PRKAR1B: variants seen among roughly 807,000 people sequenced by gnomAD.
The protein encoded by PRKAR1B is cAMP-dependent protein kinase type I-beta regulatory subunit.
Under a neutral mutation model 46.5 loss-of-function variants are expected in PRKAR1B, and 22 were observed. The ratio of observed to expected loss-of-function variants is 0.47; its 90% CI spans 0.34 to 0.68. The LOEUF is 0.68. Among genes scored for constraint, PRKAR1B ranks in the 30% least tolerant of loss-of-function variants. PRKAR1B has a pLI of 0.01. For synonymous variants in PRKAR1B, 259 were observed against 217.7 expected, an observed-to-expected ratio of 1.19 and a Z score of -1.67; for missense variants, 445 against 535.6, an observed-to-expected ratio of 0.83 and a Z score of 1.67.
chr7:720,500 C>G (rs1478686991), intron 1 of PRKAR1B, among the ~76,000 whole-genome samples: 1 of 152,180 alleles, frequency 6.6e-6, no homozygotes, highest in East Asian at 1.9e-4. Flanking sequence ...TCAATTAGAT[C>G]CTGTTGGTTG....
intron 4 of PRKAR1B, among the ~76,000 whole-genome samples, chr7:645,454 C>T (rs1419351306): frequency 2.0e-5 from 3 of 152,086 alleles, no homozygotes. Flanking sequence ...GGTTCAAGAC[C>T]AGCCCAAGCA....
intron 3 of PRKAR1B, among the ~76,000 whole-genome samples, chr7:679,029 G>T (rs1200653790): frequency 2.0e-5 from 3 of 152,138 alleles, no homozygotes; most frequent in Non-Finnish European, 4.4e-5. Flanking sequence ...CAGAGGTTGT[G>T]GTGAGCTGAG....
intron 4 of PRKAR1B, among the ~76,000 whole-genome samples, chr7:619,918 A>G (rs1294006043): frequency 1.3e-5 from 2 of 152,026 alleles, no homozygotes; most frequent in Non-Finnish European, 2.9e-5. Context: ...TGGTGCGATC[A>G]TAGCTCACTG....
intron 4 of PRKAR1B, among the ~76,000 whole-genome samples, chr7:621,167 T>C (rs1337181332): frequency 6.6e-6 from 1 of 152,220 alleles, no homozygotes. Context: ...CTTCCTCTTG[T>C]TTTCTATTTT....
chr7:630,244 G>A lies in PRKAR1B; in HGVS notation c.441-22792C>T, dbSNP rs949400960. 4.6e-5 allele frequency among the ~76,000 whole-genome samples: 7 copies of A among 152,226 alleles called. No individual in the cohort carries two copies. The South Asian group carries it at 1.4e-3, about 31-fold the overall frequency. On this transcript the variant is annotated intron_variant, in intron 4 of 10. Transcript: ENST00000537384. ...TGGGCCAGGCCAGGCGAAGGTGACC[G>A]TGGCTCCTAGCAGGTGAGCAGCTGA...
intron 4 of PRKAR1B, among the ~76,000 whole-genome samples, chr7:627,940 A>G (rs558565430): frequency 9.9e-4 from 151 of 152,282 alleles, no homozygotes; most frequent in African/African-American, 3.3e-3. Flanking sequence ...TAAAGGCACC[A>G]GCAAAACAGG....
intron 2 of PRKAR1B, among the ~76,000 whole-genome samples, chr7:683,717 A>G (rs933345811): frequency 1.3e-5 from 2 of 152,140 alleles, no homozygotes; most frequent in Admixed American, 1.3e-4. Flanking sequence ...CCTGACCAAT[A>G]CCGGCCTCAA....
intron 9 of PRKAR1B, among the ~76,000 whole-genome samples, chr7:576,294 G>C (rs1779829748): frequency 6.6e-6 from 1 of 152,220 alleles, no homozygotes. Context: ...GGGCCCGCCA[G>C]AGCCTCCTTC....
At chr7:659,274 G>C (rs536396917) in intron 4 of PRKAR1B, among the ~76,000 whole-genome samples, 1 of 152,192 alleles carries the variant, frequency 6.6e-6, no homozygotes, top group African/African-American at 2.4e-5. Context: ...GGTACGGTAG[G>C]GGGTGGTCTG....
chr7:564,878 G>A (rs998554204), intron 9 of PRKAR1B, among the ~76,000 whole-genome samples: 2 of 152,160 alleles, frequency 1.3e-5, no homozygotes, highest in East Asian at 1.9e-4. Context: ...CATCTGGGAC[G>A]GGAGCCCAGG....
At chr7:723,381 C>T (rs975060132) in intron 1 of PRKAR1B, among the ~76,000 whole-genome samples, 1 of 152,192 alleles carries the variant, frequency 6.6e-6, no homozygotes, top group Non-Finnish European at 1.5e-5. Flanking sequence ...TTCTGGGCCA[C>T]AGGCTTCCCT....
At chr7:705,769 C>G (rs1009141442) in intron 2 of PRKAR1B, among the ~76,000 whole-genome samples, 7 of 151,794 alleles carry the variant, frequency 4.6e-5, no homozygotes, top group African/African-American at 1.7e-4. Flanking sequence ...GCTCACGTCT[C>G]TAATCCCAAC....
Position 551,476 on chromosome 7 carries a change from G to T in PRKAR1B, c.892-6C>A, listed in dbSNP as rs1266192741. The T allele has an allele frequency of 6.4e-7, 1 of 1,552,378 alleles. No individual in the cohort carries two copies. Among genetic ancestry groups the T allele is most frequent in the Non-Finnish European group, 8.7e-7 (1 of 1,147,816 alleles). ...TGCAGCACGGACGCGGTGCCCTGTG[G>T]GTGGAGGTGGACAGACGTGAGTGCC... On this transcript the variant is annotated splice_polypyrimidine_tract_variant and splice_region_variant and intron_variant, in intron 9 of 10. Transcript: ENST00000537384.
chr7:686,891 C>CT (rs1480902531), intron 2 of PRKAR1B, among the ~76,000 whole-genome samples: 1 of 152,148 alleles, frequency 6.6e-6, no homozygotes, highest in Non-Finnish European at 1.5e-5. Context: ...AAAACTGGAA[C>CT]TTATGGCCTG....
intron 8 of PRKAR1B, among the ~76,000 whole-genome samples, chr7:583,385 ACACT>A (rs1780323295): frequency 9.1e-6 from 1 of 109,942 alleles, no homozygotes; most frequent in Non-Finnish European, 2.0e-5. Flanking sequence ...ACACATGTGC[ACACT>A]CACACCCCCC....
rs187191487 is a variant in PRKAR1B at position 592,754 on chromosome 7, G to A, written c.708+3392C>T. Among the ~76,000 whole-genome samples the A allele has an allele frequency of 8.7e-3, 1,327 of 152,322 alleles. 70 individuals are homozygous for A. The highest frequency in any genetic ancestry group is 0.081 in the Admixed American group (1,234 of 15,300). On this transcript the variant is annotated intron_variant, in intron 7 of 10. Transcript: ENST00000537384. ...AAGAAAGAAAAATCAGGCCGGATAC[G>A]GTGGCTCACACCTCACACCTATAGA...
chr7:582,736 T>G (rs1780263240), intron 8 of PRKAR1B, among the ~76,000 whole-genome samples: 1 of 151,860 alleles, frequency 6.6e-6, no homozygotes, highest in African/African-American at 2.4e-5. Flanking sequence ...AATGAAGGAG[T>G]CTGTGGGCAC....
intron 4 of PRKAR1B, among the ~76,000 whole-genome samples, chr7:623,335 CAT>C (rs572132992): frequency 1.6e-4 from 24 of 152,350 alleles, no homozygotes; most frequent in Middle Eastern, 3.4e-3. Context: ...TAACCACAAA[CAT>C]GTGGTAACAA....
At chr7:606,750 A>C in intron 5 of PRKAR1B, among the ~76,000 whole-genome samples, 1 of 147,984 alleles carries the variant, frequency 6.8e-6, no homozygotes, top group Non-Finnish European at 1.5e-5. Flanking sequence ...GCCCGGCCTC[A>C]CAATGAGAAT....
Sources: gnomAD v4.1 joint callset for allele counts (sites outside exome capture counted in the v4.1 genomes callset) on GRCh38, gnomAD v4.1.1 for gene constraint, MANE v1.5 for transcripts, NCBI Gene and HGNC (gene_info 2026-07-23, HGNC 2026-07-21) for gene names.